Variants in SMPDL3B observed in about 807,000 individuals in gnomAD.
SMPDL3B encodes the protein sphingomyelin phosphodiesterase acid like 3B.
SMPDL3B carries 31 observed loss-of-function variants against 37.9 expected under a neutral mutation model. The observed-to-expected ratio is 0.82, with a 90% CI of 0.61 to 1.10. The LOEUF is 1.10. Among genes scored for constraint, SMPDL3B ranks in the 50% least tolerant of loss-of-function variants. The pLI, the probability that SMPDL3B is intolerant of heterozygous loss-of-function variation, is 0.00. For synonymous variants in SMPDL3B, 235 were observed against 242.6 expected, an observed-to-expected ratio of 0.97 and a Z score of 0.29; for missense variants, 525 against 597.8, an observed-to-expected ratio of 0.88 and a Z score of 1.27.
rs955487572 is a variant in SMPDL3B, at chr1:27,954,485, C to T, written c.649C>T (p.Leu217=). The T allele has an allele frequency of 1.9e-6, 3 of 1,613,916 alleles. No homozygotes were observed. Among genetic ancestry groups the T allele is most frequent in the African/African-American group, 1.3e-5 (1 of 74,934 alleles). The change falls in exon 5 of 8, where the codon CTG becomes TTG. Residue 217 remains leucine (L), a synonymous_variant. Transcript: ENST00000373894. ...MADPGQQFQW[L]EDVLTDASKA... ...GGACCCTGGCCAGCAGTTCCAGTGG[C>T]TGGAAGATGTGCTGACCGATGCATC...
In SMPDL3B at chr1:27,945,171, T is replaced by G. The variant is rs2090395424; in HGVS notation, c.62-61T>G. The G allele has an allele frequency of 1.3e-6, 2 of 1,554,206 alleles. No homozygotes were observed. The highest frequency in any genetic ancestry group is 2.7e-5 in the African/African-American group (2 of 73,798). On this transcript the variant is annotated intron_variant, in intron 1 of 7. Coordinates refer to ENST00000373894, the MANE Select transcript of SMPDL3B (RefSeq NM_014474.4). The surrounding 1 kb of genome is among the most constrained non-coding windows in gnomAD (Gnocchi z 4.0). ...GCCCCAGCCCAGGGCTCCCCTGGAC[T>G]TCCTTGCTTCCAGGCTGAGAGAGAG...
chr1:27,956,095 G>A lies in SMPDL3B; in HGVS notation c.1005+13G>A. The stretch of plus-strand genomic sequence containing the variant: ...ACTGAGCCTGAAGGTCAGGAGTCCT[G>A]CGGAGGCCAGAGGAGGAGGGTGGGA... On this transcript the variant is annotated intron_variant, in intron 7 of 7. Coordinates refer to ENST00000373894, the MANE Select transcript of SMPDL3B (RefSeq NM_014474.4). The A allele has an allele frequency of 6.2e-7, 1 of 1,614,138 alleles. No homozygotes were observed. The highest frequency in any genetic ancestry group is 1.3e-5 in the African/African-American group (1 of 75,030).
In SMPDL3B at chr1:27,935,067, A is replaced by C; in HGVS notation, c.-117A>C. 1.4e-6 allele frequency: 1 copy of C among 729,842 alleles called. No individual in the cohort carries two copies. The highest frequency in any genetic ancestry group is 2.4e-6 in the Non-Finnish European group (1 of 421,982). The allele number at this position is 729,842 out of a possible 1,614,324, so 45.2% of individuals were successfully genotyped here. ...GCCTTGGAGGACTTGGAACACCTGT[A>C]ACAGGACAAGGAGTTCTGCTCAGGC... On this transcript the variant is annotated 5_prime_UTR_variant, in exon 1 of 8. Transcript: ENST00000373894.
chr1:27,954,187 C>T (rs566565051), intron 4 of SMPDL3B, among the ~76,000 whole-genome samples, 167 bp from the exon 5 acceptor site: 1 of 152,354 alleles, frequency 6.6e-6, no homozygotes. Flanking sequence ...TGAATCCAGG[C>T]CGCCTGGCTC....
At chr1:27,952,714 G>T (rs2090464126) in intron 3 of SMPDL3B, among the ~76,000 whole-genome samples, 1 of 152,170 alleles carries the variant, frequency 6.6e-6, no homozygotes, top group Non-Finnish European at 1.5e-5. Flanking sequence ...CTATTGAACT[G>T]CAGGACCTCT....
At chr1:27,951,538 G>A (rs1259767364) in intron 3 of SMPDL3B, among the ~76,000 whole-genome samples, 2 of 152,210 alleles carry the variant, frequency 1.3e-5, no homozygotes, top group African/African-American at 2.4e-5. Flanking sequence ...ACACAGGCAC[G>A]CAAGGCAAAC....
intron 5 of SMPDL3B, among the ~76,000 whole-genome samples, chr1:27,955,343 A>C (rs1475411103): frequency 6.6e-6 from 1 of 152,214 alleles, no homozygotes; most frequent in Non-Finnish European, 1.5e-5. Context: ...ACCACGCAAG[A>C]ATGGTTTCGT....
In SMPDL3B at chr1:27,955,755, C is replaced by T; in HGVS notation, c.762C>T (p.Gly254=). ...KTQNKAWFRE[G]FNEKYLKVVR... ...AAAACAAGGCATGGTTCCGGGAGGG[C>T]TTCAATGAAAAATACCTGAAGGTGG... Residue 254 remains glycine (G), a synonymous_variant, in exon 6 of 8, where the codon GGC becomes GGT. Transcript: ENST00000373894. 1 of 1,614,138 alleles carries T rather than the reference C, an allele frequency of 6.2e-7. No homozygotes were observed. Among genetic ancestry groups the T allele is most frequent in the Non-Finnish European group, 8.5e-7 (1 of 1,180,022 alleles).
rs1381276931 is a variant in SMPDL3B, at chr1:27,945,705, TGGCATGCCTG to T, written c.275+265_275+274del. 6.6e-6 allele frequency among the ~76,000 whole-genome samples: 1 copy of T among 152,176 alleles called. No individual in the cohort carries two copies. The highest frequency in any genetic ancestry group is 1.5e-5 in the Non-Finnish European group (1 of 68,032). Reference sequence around the variant, plus strand: ...TCAATCAGGCTTTTGGACGTGGTCCTGGCATGCCTGGGCACCCGGAGAGTGTCCAGGTTTT... The same window carrying T: ...TCAATCAGGCTTTTGGACGTGGTCCTGGCACCCGGAGAGTGTCCAGGTTTT... On this transcript the variant is annotated intron_variant, in intron 2 of 7. Coordinates refer to ENST00000373894, the MANE Select transcript of SMPDL3B (RefSeq NM_014474.4). The surrounding 1 kb of genome is among the most constrained non-coding windows in gnomAD (Gnocchi z 4.0).
rs1025433522 is a variant in SMPDL3B at position 27,958,202 on chromosome 1, G to A, written c.1006-274G>A. On this transcript the variant is annotated intron_variant, in intron 7 of 7. Coordinates refer to ENST00000373894, the MANE Select transcript of SMPDL3B (RefSeq NM_014474.4). The surrounding 1 kb of genome is among the most constrained non-coding windows in gnomAD (Gnocchi z 5.6). ...CCTGGGGTCCAATCCTGCTACCACTGAATACCTGTATGAATACCTGTATGA... is the reference window on the plus strand; with the variant it reads ...CCTGGGGTCCAATCCTGCTACCACTAAATACCTGTATGAATACCTGTATGA... Among the ~76,000 whole-genome samples, 4 of 152,188 alleles carry A rather than the reference G, an allele frequency of 2.6e-5. No individual in the cohort carries two copies. The highest frequency in any genetic ancestry group is 2.6e-4 in the Admixed American group (4 of 15,272).
At chr1:27,952,801 G>A (rs1427875904) in intron 3 of SMPDL3B, among the ~76,000 whole-genome samples, 1 of 152,176 alleles carries the variant, frequency 6.6e-6, no homozygotes, top group Non-Finnish European at 1.5e-5. Flanking sequence ...TGACTGCATG[G>A]ATGAGTGAAA....
intron 4 of SMPDL3B, 74 bp from the exon 5 acceptor site, chr1:27,954,279 CA>C: frequency 7.4e-7 from 1 of 1,342,644 alleles, no homozygotes; most frequent in African/African-American, 1.5e-5. Context: ...GAAAGTGGGA[CA>C]TTGAGGTGGA....
intron 4 of SMPDL3B, among the ~76,000 whole-genome samples, chr1:27,953,870 G>T (rs1339109618): frequency 6.6e-6 from 1 of 152,182 alleles, no homozygotes; most frequent in African/African-American, 2.4e-5. Flanking sequence ...GGTTGAGAAT[G>T]ACTGGTTCAG....
At position 27,955,834 on chromosome 1, in the gene SMPDL3B, G is replaced by A. The variant is rs547036232; in HGVS notation, c.841G>A (p.Asp281Asn). Residue 281 changes from aspartate to asparagine, a missense_variant, in exon 6 of 8, where the codon GAC becomes AAC. Physicochemically the swap from Asp to Asn is conservative, Grantham distance 23. Coordinates refer to ENST00000373894, the MANE Select transcript of SMPDL3B (RefSeq NM_014474.4). ...GCAGTTCTTCGGGCACCACCACACC[G>A]ACAGCTTTCGGATGCTCTATGATGA... ...AGQFFGHHHT[D>N]SFRMLYDDAG... 9 of 1,614,058 alleles carry A rather than the reference G, an allele frequency of 5.6e-6. No homozygotes were observed. The highest frequency in any genetic ancestry group is 2.2e-5 in the East Asian group (1 of 44,870).
chr1:27,936,903 C>T (rs1378685267), intron 1 of SMPDL3B, among the ~76,000 whole-genome samples: 2 of 152,112 alleles, frequency 1.3e-5, no homozygotes, highest in Admixed American at 1.3e-4. Context: ...CACCTGTCGT[C>T]CCAGCTACTT....
rs953652925 is a variant in SMPDL3B at position 27,958,069 on chromosome 1, C to T, written c.1006-407C>T. Among the ~76,000 whole-genome samples the T allele has an allele frequency of 1.3e-5, 2 of 152,176 alleles. No individual in the cohort carries two copies. The highest frequency in any genetic ancestry group is 2.9e-5 in the Non-Finnish European group (2 of 68,032). On this transcript the variant is annotated intron_variant, in intron 7 of 7. Coordinates refer to ENST00000373894, the MANE Select transcript of SMPDL3B (RefSeq NM_014474.4). The surrounding 1 kb of genome is among the most constrained non-coding windows in gnomAD (Gnocchi z 5.6). Reference sequence around the variant, plus strand: ...CCTAGGAGTCTACAGTTCATAATCTCTCTCATGCTTAGTGTTGCTCTTTTT... The same window carrying T: ...CCTAGGAGTCTACAGTTCATAATCTTTCTCATGCTTAGTGTTGCTCTTTTT...
chr1:27,942,402 A>T, intron 1 of SMPDL3B: 1 of 464,894 alleles, frequency 2.2e-6, no homozygotes, highest in East Asian at 6.9e-5. Flanking sequence ...GGGACTTGGG[A>T]TGCCCAGCAA....
At chr1:27,957,345 C>T (rs1638319387) in intron 7 of SMPDL3B, among the ~76,000 whole-genome samples, 2 of 152,072 alleles carry the variant, frequency 1.3e-5, no homozygotes, top group South Asian at 4.2e-4. Context: ...GAAAAAGGGA[C>T]GAATCCAGGA....
intron 2 of SMPDL3B, among the ~76,000 whole-genome samples, chr1:27,947,091 C>T (rs1162867679): frequency 6.7e-6 from 1 of 149,806 alleles, no homozygotes; most frequent in Non-Finnish European, 1.5e-5. Flanking sequence ...GGCTGGAGTG[C>T]AATGGCGTGA....
Sources: gnomAD v4.1 joint callset for allele counts (sites outside exome capture counted in the v4.1 genomes callset) on GRCh38, gnomAD v4.1.1 for gene constraint, Gnocchi (gnomAD v3.1) non-coding constraint, MANE v1.5 for transcripts, NCBI Gene and HGNC (gene_info 2026-07-23, HGNC 2026-07-21) for gene names.